The following KRT23 variants were observed in gnomAD, a reference collection of about 807,000 sequenced individuals.
The protein encoded by KRT23 is keratin 23, also known as keratin, type I cytoskeletal 23.
A neutral mutation model predicts 47.6 loss-of-function variants in KRT23; 38 were observed. That is an observed-to-expected ratio of 0.80 (90% CI 0.62 to 1.05). The LOEUF (loss-of-function observed/expected upper bound fraction) is 1.05. KRT23 is among the 50% of genes least tolerant of loss of function. KRT23 has a pLI of 0.00. For synonymous variants in KRT23, 191 were observed against 199.0 expected, an observed-to-expected ratio of 0.96 and a Z score of 0.34; for missense variants, 503 against 529.5, an observed-to-expected ratio of 0.95 and a Z score of 0.49.
At chr17:40,925,276 G>T in intron 7 of KRT23, 78 bp downstream of exon 7, 1 of 1,249,264 alleles carries the variant, frequency 8.0e-7, no homozygotes, top group Non-Finnish European at 1.2e-6. Context: ...CTTGCTAACA[G>T]AACCCAAAGA....
At chr17:40,931,306 C>T (rs557833526) in intron 3 of KRT23, 67 bp downstream of exon 3, 366 of 1,244,148 alleles carry the variant, frequency 2.9e-4, no homozygotes, top group Admixed American at 6.2e-4. Context: ...CACCGCGCCC[C>T]GCCGAGTTTT....
rs72824094 is a variant in KRT23, at chr17:40,934,137, G to A, written c.396+2071C>T. Among the ~76,000 whole-genome samples the A allele has an allele frequency of 8.5e-3, 1,289 of 152,196 alleles. 8 individuals are homozygous for A. Among genetic ancestry groups the A allele is most frequent in the Non-Finnish European group, 0.013 (870 of 68,008 alleles). ...TTTAATATACCTAAAGTGAGGGTAC[G>A]GGAGAACTGTATCCACTCAGAGCAT... On this transcript the variant is annotated intron_variant, in intron 2 of 8. Coordinates refer to ENST00000209718, the MANE Select transcript of KRT23 (RefSeq NM_015515.5).
At chr17:40,931,550 G>T in intron 2 of KRT23, 95 bp from the exon 3 acceptor site, 2 of 888,092 alleles carry the variant, frequency 2.3e-6, no homozygotes, top group South Asian at 1.4e-5. Flanking sequence ...CTGAATATTT[G>T]ACTTGTTAGT....
At chr17:40,927,502 A>G (rs1445017214) in intron 6 of KRT23, among the ~76,000 whole-genome samples, 1 of 152,246 alleles carries the variant, frequency 6.6e-6, no homozygotes, top group Non-Finnish European at 1.5e-5. Context: ...TGAACAAATC[A>G]TTGCCTCTCA....
intron 4 of KRT23, among the ~76,000 whole-genome samples, chr17:40,929,027 C>CAAAAAAA (rs3067615): frequency 3.1e-5 from 2 of 64,284 alleles, no homozygotes; most frequent in East Asian, 4.8e-4. Flanking sequence ...ACCCTGTCTC[C>CAAAAAAA]AAAAAAAAAA....
intron 3 of KRT23, among the ~76,000 whole-genome samples, chr17:40,930,537 G>A (rs374942802): frequency 1.1e-4 from 16 of 151,944 alleles, no homozygotes; most frequent in Non-Finnish European, 2.1e-4. Context: ...AGGCTGAGGC[G>A]GGCGGATCAC....
In KRT23 at chr17:40,930,317, C is replaced by T. The variant is rs73983155; in HGVS notation, c.480-221G>A. Among the ~76,000 whole-genome samples, 1,476 of 152,262 alleles carry T rather than the reference C, an allele frequency of 9.7e-3. 19 individuals are homozygous for T. Among genetic ancestry groups the T allele is most frequent in the African/African-American group, 0.034 (1,420 of 41,534 alleles). On this transcript the variant is annotated intron_variant, in intron 3 of 8. Transcript: ENST00000209718. ...TGAGTAGGGAGAATAGGATAATAAA[C>T]AGTCATATACCCATTATCTATATTT...
chr17:40,930,040 C>G lies in KRT23; in HGVS notation c.536G>C (p.Arg179Pro), dbSNP rs779677867. 1.9e-6 allele frequency: 3 copies of G among 1,614,092 alleles called. No individual in the cohort carries two copies. The highest frequency in any genetic ancestry group is 2.5e-6 in the Non-Finnish European group (3 of 1,179,954). The change falls in exon 4 of 9, where the codon CGA becomes CCA. Residue 179 changes from arginine to proline, a missense_variant. Physicochemically the swap from Arg to Pro is moderately radical, Grantham distance 103. Transcript: ENST00000209718. ...KDLEIEVEGL[R>P]RTLDNLTIVT... ...AATGGTCAGGTTGTCTAAGGTCCTT[C>G]GGAGGCCCTCGACTTCAATTTCCAA...
chr17:40,933,330 C>T (rs1440447515), intron 2 of KRT23, among the ~76,000 whole-genome samples: 2 of 152,180 alleles, frequency 1.3e-5, no homozygotes, highest in East Asian at 3.8e-4. Flanking sequence ...TTCCTTGTCT[C>T]CTCTCCACAG....
chr17:40,926,758 C>T (rs56859721), intron 6 of KRT23, among the ~76,000 whole-genome samples: 1 of 152,198 alleles, frequency 6.6e-6, no homozygotes, highest in Non-Finnish European at 1.5e-5. Context: ...CCTTCAGCTA[C>T]AGCAAAGCTC....
intron 6 of KRT23, among the ~76,000 whole-genome samples, chr17:40,928,024 A>G (rs577182425): frequency 2.6e-5 from 4 of 152,328 alleles, no homozygotes; most frequent in East Asian, 1.9e-4. Context: ...ATGACATTTA[A>G]TATCATGAAC....
rs1252191673 is a variant in KRT23 at position 40,922,771 on chromosome 17, T to A, written c.*218A>T. ...GAATCTGAAGGCTGCAGTAGGAAAG[T>A]AGAGCTTTACCCTCATAAACTCGCA... On this transcript the variant is annotated 3_prime_UTR_variant, in exon 9 of 9. Transcript: ENST00000209718. The A allele has an allele frequency of 2.3e-6, 1 of 429,340 alleles. No homozygotes were observed. The highest frequency in any genetic ancestry group is 4.1e-6 in the Non-Finnish European group (1 of 242,180). The allele number at this position is 429,340 out of a possible 1,614,324, so 26.6% of individuals were successfully genotyped here.
At chr17:40,932,321 C>T (rs975138792) in intron 2 of KRT23, among the ~76,000 whole-genome samples, 2 of 152,076 alleles carry the variant, frequency 1.3e-5, no homozygotes, top group African/African-American at 4.8e-5. Flanking sequence ...AGCACTTACT[C>T]GAGCAAGTGT....
intron 3 of KRT23, among the ~76,000 whole-genome samples, chr17:40,931,000 A>G (rs1035862429): frequency 2.0e-5 from 3 of 147,138 alleles, no homozygotes; most frequent in Non-Finnish European, 4.4e-5. Flanking sequence ...GGTAATGGCA[A>G]GATGAGTTTT....
At chr17:40,931,264 C>G (rs919069622) in intron 3 of KRT23, 109 bp downstream of exon 3, 2 of 748,658 alleles carry the variant, frequency 2.7e-6, no homozygotes, top group Non-Finnish European at 4.7e-6. Context: ...CCCGCCTTGG[C>G]CTCCCAAAGT....
chr17:40,928,515 A>G lies in KRT23; in HGVS notation c.729T>C (p.Asp243=). 1 of 1,614,080 alleles carries G rather than the reference A, an allele frequency of 6.2e-7. No individual in the cohort carries two copies. The highest frequency in any genetic ancestry group is 8.5e-7 in the Non-Finnish European group (1 of 1,179,994). The change falls in exon 5 of 9, where the codon GAT becomes GAC. Residue 243 remains aspartate (D), a synonymous_variant. Coordinates refer to ENST00000209718, the MANE Select transcript of KRT23 (RefSeq NM_015515.5). ...TTATAAGCTCATATTCTTGTCTCAT[A>G]TCCTCCAGGACCTTAATCAGATCTT... is the stretch of plus-strand genomic sequence containing the variant. ...PREDLIKVLE[D]MRQEYELIIK...
At chr17:40,925,094 G>A in intron 7 of KRT23, 1 of 509,022 alleles carries the variant, frequency 2.0e-6, no homozygotes, top group Non-Finnish European at 3.5e-6. Flanking sequence ...GAAACACAGT[G>A]GCCAAATCCT....
In KRT23 at chr17:40,936,639, C is replaced by T; in HGVS notation, c.-36G>A. ...GTGTTTGGGACGGGGCTGAGCTCTG[C>T]TCCACTCCCTGGCACCGCAGAACTG... On this transcript the variant is annotated 5_prime_UTR_variant, in exon 2 of 9. Coordinates refer to ENST00000209718, the MANE Select transcript of KRT23 (RefSeq NM_015515.5). 1 of 1,491,742 alleles carries T rather than the reference C, an allele frequency of 6.7e-7. No individual in the cohort carries two copies. The highest frequency in any genetic ancestry group is 8.9e-7 in the Non-Finnish European group (1 of 1,123,150). The allele number at this position is 1,491,742 out of a possible 1,614,324, so 92.4% of individuals were successfully genotyped here.
intron 3 of KRT23, 84 bp from the exon 4 acceptor site, chr17:40,930,180 TCTTTTA>T: frequency 7.6e-7 from 1 of 1,322,968 alleles, no homozygotes. Flanking sequence ...TAGAGGTGAA[TCTTTTA>T]CTTTTTAGGT....
Sources: gnomAD v4.1 joint callset for allele counts (sites outside exome capture counted in the v4.1 genomes callset) on GRCh38, gnomAD v4.1.1 for gene constraint, MANE v1.5 for transcripts, NCBI Gene and HGNC (gene_info 2026-07-23, HGNC 2026-07-21) for gene names.